BTRC: variants seen among roughly 807,000 people sequenced by gnomAD.
BTRC encodes the protein F-box/WD repeat-containing protein 1A.
BTRC carries 42 observed loss-of-function variants against 85.5 expected under a neutral mutation model. The ratio of observed to expected loss-of-function variants is 0.49; its 90% CI spans 0.38 to 0.64. The LOEUF (loss-of-function observed/expected upper bound fraction) is 0.64. BTRC is among the 30% of genes least tolerant of loss of function. The pLI, the probability that BTRC is intolerant of heterozygous loss-of-function variation, is 0.00. For missense variants in BTRC, 594 were observed against 743.5 expected (o/e 0.80, Z 2.34); for synonymous variants, 255 against 263.3 (o/e 0.97, Z 0.30).
chr10:101,525,892 C>A, intron 5 of BTRC, 121 bp from the exon 6 acceptor site: 5 of 947,414 alleles, frequency 5.3e-6, no homozygotes. Context: ...CTGGACCACA[C>A]TAGGGACAAT....
chr10:101,419,041 C>T lies in BTRC; in HGVS notation c.49-11304C>T, dbSNP rs560887831. Among the ~76,000 whole-genome samples the T allele has an allele frequency of 1.2e-3, 174 of 149,236 alleles. 5 individuals carry two copies. The South Asian group carries it at 0.035, about 30-fold the overall frequency. On this transcript the variant is annotated intron_variant, in intron 1 of 14. Coordinates refer to ENST00000370187, the MANE Select transcript of BTRC (RefSeq NM_033637.4). ...TTTTTTTTTTTTTGATACAGAGTCT[C>T]GCTCTGTCACCCAGGCTGGAGTGCA...
intron 1 of BTRC, among the ~76,000 whole-genome samples, chr10:101,393,895 T>C (rs1002955334): frequency 2.0e-5 from 3 of 152,212 alleles, no homozygotes; most frequent in African/African-American, 7.2e-5. Context: ...TTTCATATAT[T>C]GTGGAAAAGC....
At chr10:101,542,260 CT>C (rs1232019283) in intron 13 of BTRC, among the ~76,000 whole-genome samples, 2 of 151,702 alleles carry the variant, frequency 1.3e-5, no homozygotes, top group African/African-American at 2.4e-5. Context: ...GTCCTGTTTC[CT>C]TTTTTGGTTT....
chr10:101,441,748 G>A lies in BTRC; in HGVS notation c.156+11296G>A, dbSNP rs1944684176. 2.0e-5 allele frequency among the ~76,000 whole-genome samples: 3 copies of A among 152,150 alleles called. No homozygotes were observed. The South Asian group carries it at 6.2e-4, about 32-fold the overall frequency. ...TCCAAAAAATTAGCCAGGCGTGGTAGTACATGCCTGTGATCCCAGCTGCTT... is the reference window on the plus strand; with the variant it reads ...TCCAAAAAATTAGCCAGGCGTGGTAATACATGCCTGTGATCCCAGCTGCTT... On this transcript the variant is annotated intron_variant, in intron 2 of 14. Transcript: ENST00000370187.
chr10:101,533,841 G>A (rs1408874774), intron 9 of BTRC, among the ~76,000 whole-genome samples: 1 of 152,190 alleles, frequency 6.6e-6, no homozygotes, highest in African/African-American at 2.4e-5. Flanking sequence ...TAAAGGCATA[G>A]CAAGGCATAG....
chr10:101,381,211 T>C (rs7916550), intron 1 of BTRC, among the ~76,000 whole-genome samples: 54,897 of 152,020 alleles, frequency 0.36, 11,020 homozygotes, highest in Middle Eastern at 0.48. Context: ...TATTAACTCA[T>C]TTGATCCTCT....
upstream of BTRC, chr10:101,354,110 G>C (rs1941956279): frequency 1.3e-6 from 2 of 1,515,624 alleles, no homozygotes; most frequent in East Asian, 2.5e-5. Context: ...GGATCCGGGC[G>C]CTGCGTTGGC....
At chr10:101,548,615 GGC>G (rs1305594870) in intron 13 of BTRC, among the ~76,000 whole-genome samples, 1 of 152,172 alleles carries the variant, frequency 6.6e-6, no homozygotes, top group African/African-American at 2.4e-5. Flanking sequence ...AGCCAAGCAT[GGC>G]GGGGGGCATC....
At chr10:101,354,380 A>C in intron 1 of BTRC, 152 bp downstream of exon 1, 1 of 910,552 alleles carries the variant, frequency 1.1e-6, no homozygotes, top group Non-Finnish European at 1.6e-6. Flanking sequence ...GGAGCTCCAG[A>C]AAGGAGGCTG....
chr10:101,541,967 C>CT (rs1472492022), intron 13 of BTRC, among the ~76,000 whole-genome samples: 2 of 152,018 alleles, frequency 1.3e-5, no homozygotes, highest in African/African-American at 4.8e-5. Flanking sequence ...GTTCCCTCAT[C>CT]TATTTTCTAA....
intron 1 of BTRC, among the ~76,000 whole-genome samples, chr10:101,356,672 G>C (rs557548813): frequency 6.6e-6 from 1 of 152,082 alleles, no homozygotes; most frequent in Non-Finnish European, 1.5e-5. Flanking sequence ...ACTAGAAGAG[G>C]GTCACCAGAA....
intron 1 of BTRC, among the ~76,000 whole-genome samples, chr10:101,368,562 C>T (rs1590209828): frequency 7.1e-6 from 1 of 139,984 alleles, no homozygotes; most frequent in South Asian, 2.3e-4. Flanking sequence ...TCACTGCACC[C>T]TTGAACTCCT....
intron 1 of BTRC, among the ~76,000 whole-genome samples, chr10:101,399,146 G>T (rs1366854075): frequency 6.6e-6 from 1 of 151,872 alleles, no homozygotes; most frequent in Middle Eastern, 3.2e-3. Context: ...GTAGAGATGG[G>T]GTTTCACCAT....
intron 4 of BTRC, among the ~76,000 whole-genome samples, chr10:101,480,520 A>T (rs1945805788): frequency 6.6e-6 from 1 of 152,224 alleles, no homozygotes; most frequent in Admixed American, 6.5e-5. Context: ...GCATCCTCAC[A>T]TGATAGAAGA....
intron 2 of BTRC, among the ~76,000 whole-genome samples, chr10:101,455,877 T>TA (rs1945062657): frequency 6.6e-6 from 1 of 151,770 alleles, no homozygotes; most frequent in Admixed American, 6.6e-5. Context: ...CATGGTGGCT[T>TA]ACGCCTGTAA....
intron 4 of BTRC, among the ~76,000 whole-genome samples, chr10:101,516,240 A>T (rs2062022096): frequency 6.6e-6 from 1 of 152,170 alleles, no homozygotes. Flanking sequence ...CATGCTTTTC[A>T]TGAGGGTTTT....
chr10:101,526,266 T>G lies in BTRC; in HGVS notation c.743+67T>G. The G allele has an allele frequency of 2.0e-6, 3 of 1,476,954 alleles. No homozygotes were observed. The East Asian group carries it at 6.9e-5, about 34-fold the overall frequency. 91.5% of individuals were successfully genotyped at this position (1,476,954 alleles called of 1,614,324 possible). A position where few individuals can be genotyped will look rare whatever the true frequency, so the allele number is the denominator to read the frequency against. ...CTGGCCATTCACAGTCACTGAAAGA[T>G]TTTTGGGGAGCCAATGAGACCACTT... On this transcript the variant is annotated intron_variant, in intron 6 of 14. Transcript: ENST00000370187.
intron 4 of BTRC, among the ~76,000 whole-genome samples, chr10:101,484,833 C>T (rs907095276): frequency 3.3e-5 from 5 of 152,128 alleles, no homozygotes; most frequent in Non-Finnish European, 7.3e-5. Context: ...TTTTGAAAAT[C>T]TTAATATTCA....
chr10:101,358,945 C>T (rs1590195008), intron 1 of BTRC, among the ~76,000 whole-genome samples: 1 of 152,194 alleles, frequency 6.6e-6, no homozygotes, highest in African/African-American at 2.4e-5. Context: ...AGACTTGCTA[C>T]CGTAGGTGCT....
Sources: allele counts gnomAD v4.1 joint callset (sites outside exome capture counted in the v4.1 genomes callset), GRCh38; gene constraint gnomAD v4.1.1; transcripts MANE v1.5; gene names NCBI Gene and HGNC (gene_info 2026-07-23, HGNC 2026-07-21).